Variants in RAB19 observed in about 807,000 individuals in gnomAD.
The protein encoded by RAB19 is RAB19, member RAS oncogene family, also known as ras-related protein Rab-19.
Under a neutral mutation model 17.3 loss-of-function variants are expected in RAB19, and 21 were observed. That is an observed-to-expected ratio of 1.21 (90% CI 0.86 to 1.74). The LOEUF (loss-of-function observed/expected upper bound fraction) is 1.74, where lower values mean the gene tolerates loss of function less well. RAB19 is among the 40% of genes most tolerant of loss of function. The pLI is 0.00. For synonymous variants in RAB19, 126 were observed against 110.4 expected, an observed-to-expected ratio of 1.14 and a Z score of -0.88; for missense variants, 277 against 286.8, an observed-to-expected ratio of 0.97 and a Z score of 0.25.
chr7:140,425,732 A>C (rs543624397), intron 3 of RAB19, 150 bp from the exon 4 acceptor site: 1 of 877,802 alleles, frequency 1.1e-6, no homozygotes, highest in South Asian at 1.8e-5. Context: ...CTCAAAAAAA[A>C]AAAGAAACAA....
intron 3 of RAB19, among the ~76,000 whole-genome samples, chr7:140,424,509 T>C (rs1711132112): frequency 6.6e-6 from 1 of 151,634 alleles, no homozygotes; most frequent in African/African-American, 2.4e-5. Context: ...GTCAATTTCC[T>C]GGTATTGATA....
chr7:140,421,348 T>C (rs1799559993), intron 3 of RAB19, among the ~76,000 whole-genome samples: 1 of 151,798 alleles, frequency 6.6e-6, no homozygotes, highest in South Asian at 2.1e-4. Context: ...CATTCCAACA[T>C]GTCCAGTTAG....
chr7:140,410,311 T>C (rs1799331237), intron 2 of RAB19, among the ~76,000 whole-genome samples: 1 of 104,252 alleles, frequency 9.6e-6, no homozygotes, highest in East Asian at 2.7e-4. Context: ...TTTTGTATTT[T>C]TCTTTTTTTT....
In RAB19 at chr7:140,406,207, C is replaced by A. The variant is rs532280474; in HGVS notation, c.-23-1417C>A. Among the ~76,000 whole-genome samples, 7 of 131,724 alleles carry A rather than the reference C, an allele frequency of 5.3e-5. No homozygotes were observed. The South Asian group carries it at 1.4e-3, about 27-fold the overall frequency. The allele number at this position is 131,724 out of a possible 152,430, so 86.4% of individuals were successfully genotyped here. A position where few individuals can be genotyped will look rare whatever the true frequency, so the allele number is the denominator to read the frequency against. On this transcript the variant is annotated intron_variant, in intron 1 of 3. Transcript: ENST00000537763. Reference sequence around the variant, plus strand: ...GCAGTGCAGTGAGCCAAGACCACACCATTGCATTCCAGCCTGGGCAAGAAG... The same window carrying A: ...GCAGTGCAGTGAGCCAAGACCACACAATTGCATTCCAGCCTGGGCAAGAAG...
intron 2 of RAB19, 75 bp from the exon 3 acceptor site, chr7:140,411,799 A>G: frequency 6.2e-7 from 1 of 1,609,564 alleles, no homozygotes; most frequent in Non-Finnish European, 8.5e-7. Context: ...TGTGTTTTTA[A>G]GAAGATGTAG....
intron 2 of RAB19, 24 bp downstream of exon 2, chr7:140,407,871 T>C: frequency 1.8e-6 from 2 of 1,112,942 alleles, no homozygotes; most frequent in South Asian, 2.7e-5. Flanking sequence ...GGGACGGGAC[T>C]GGTTCCACCT....
intron 3 of RAB19, among the ~76,000 whole-genome samples, chr7:140,422,308 G>A (rs939608572): frequency 1.3e-4 from 20 of 152,190 alleles, no homozygotes; most frequent in African/African-American, 4.6e-4. Context: ...AGAATCACTT[G>A]AACCTGGGAA....
At chr7:140,416,972 TC>T (rs1799468835) in intron 3 of RAB19, among the ~76,000 whole-genome samples, 1 of 151,324 alleles carries the variant, frequency 6.6e-6, no homozygotes, top group Non-Finnish European at 1.5e-5. Context: ...ACACCTGTAA[TC>T]CCAGCACTTT....
In RAB19 at chr7:140,426,839, C is replaced by CTTTTTTTT. The variant is rs398067341; in HGVS notation, c.*702_*709dup. ...AAGACACCTGCAATTTTTTTTCTTT[C>CTTTTTTTT]TTTTTTTTTTTTTTTTTTTTGAGAC... On this transcript the variant is annotated 3_prime_UTR_variant, in exon 4 of 4. Transcript: ENST00000537763. 8.1e-6 allele frequency among the ~76,000 whole-genome samples: 1 copy of CTTTTTTTT among 124,028 alleles called. No individual in the cohort carries two copies. The allele number at this position is 124,028 out of a possible 152,430, so 81.4% of individuals were successfully genotyped here. A position where few individuals can be genotyped will look rare whatever the true frequency, so the allele number is the denominator to read the frequency against.
intron 2 of RAB19, among the ~76,000 whole-genome samples, chr7:140,408,368 A>C (rs930342807): frequency 6.6e-6 from 1 of 152,004 alleles, no homozygotes; most frequent in African/African-American, 2.4e-5. Context: ...AATAAGGAAA[A>C]TACTGCTGAA....
At chr7:140,422,848 C>T (rs959445992) in intron 3 of RAB19, among the ~76,000 whole-genome samples, 3 of 152,196 alleles carry the variant, frequency 2.0e-5, no homozygotes, top group Non-Finnish European at 4.4e-5. Flanking sequence ...TGGCTCACAC[C>T]TGTAATCCCA....
intron 3 of RAB19, among the ~76,000 whole-genome samples, chr7:140,417,081 A>T (rs898154134): frequency 0.012 from 1,782 of 150,828 alleles, 38 homozygotes; most frequent in African/African-American, 0.042. Context: ...CAAAAAAAAA[A>T]AAAAATCAGC....
chr7:140,422,625 C>A (rs1799582563), intron 3 of RAB19, among the ~76,000 whole-genome samples: 1 of 144,810 alleles, frequency 6.9e-6, no homozygotes, highest in Non-Finnish European at 1.6e-5. Context: ...TGCACTCCAG[C>A]CTGGGCAACA....
At position 140,426,752 on chromosome 7, in the gene RAB19, G is replaced by T. The variant is rs1799678183; in HGVS notation, c.*602G>T. Reference sequence around the variant, plus strand: ...AAATGGTCAGGAACTGTCTGATAGAGATGGAACTGGAATTCACTCTATTCT... The same window carrying T: ...AAATGGTCAGGAACTGTCTGATAGATATGGAACTGGAATTCACTCTATTCT... On this transcript the variant is annotated 3_prime_UTR_variant, in exon 4 of 4. Transcript: ENST00000537763. 6.6e-6 allele frequency among the ~76,000 whole-genome samples: 1 copy of T among 151,982 alleles called. No homozygotes were observed. The highest frequency in any genetic ancestry group is 1.5e-5 in the Non-Finnish European group (1 of 67,988).
chr7:140,418,657 C>T (rs979876950), intron 3 of RAB19, among the ~76,000 whole-genome samples: 3 of 151,316 alleles, frequency 2.0e-5, no homozygotes, highest in East Asian at 2.0e-4. Flanking sequence ...AGGCAGAGGT[C>T]GGACCAGCCT....
intron 1 of RAB19, among the ~76,000 whole-genome samples, chr7:140,405,498 A>C (rs1203450366): frequency 1.3e-5 from 2 of 150,308 alleles, no homozygotes; most frequent in African/African-American, 4.9e-5. Flanking sequence ...CTTGGATTAC[A>C]GGTGTGAGCC....
In RAB19 at chr7:140,426,839, C is replaced by CTTTT. The variant is rs398067341; in HGVS notation, c.*706_*709dup. Among the ~76,000 whole-genome samples the CTTTT allele has an allele frequency of 5.1e-4, 63 of 123,934 alleles. No individual in the cohort carries two copies. Among genetic ancestry groups the CTTTT allele is most frequent in the Non-Finnish European group, 8.1e-4 (49 of 60,210 alleles). 81.3% of individuals were successfully genotyped at this position (123,934 alleles called of 152,430 possible). A position where few individuals can be genotyped will look rare whatever the true frequency, so the allele number is the denominator to read the frequency against. On this transcript the variant is annotated 3_prime_UTR_variant, in exon 4 of 4. Transcript: ENST00000537763. ...AAGACACCTGCAATTTTTTTTCTTTCTTTTTTTTTTTTTTTTTTTTGAGAC... is the reference window on the plus strand; with the variant it reads ...AAGACACCTGCAATTTTTTTTCTTTCTTTTTTTTTTTTTTTTTTTTTTTTGAGAC...
Position 140,411,961 on chromosome 7 carries a change from T to C in RAB19, c.289T>C (p.Tyr97His), listed in dbSNP as rs1799372630. 1 of 1,614,200 alleles carries C rather than the reference T, an allele frequency of 6.2e-7. No homozygotes were observed. Among genetic ancestry groups the C allele is most frequent in the Non-Finnish European group, 8.5e-7 (1 of 1,180,038 alleles). ...YRSAHAAIIA[Y>H]DLTRRSTFES... The stretch of plus-strand genomic sequence containing the variant: ...CAGTGCCCACGCAGCCATCATCGCC[T>C]ATGACCTCACCCGGCGGTCCACGTT... Residue 97 changes from tyrosine to histidine, a missense_variant, in exon 3 of 4, where the codon TAT (tyrosine) becomes CAT (histidine). By Grantham distance (83) the Tyr-to-His change is moderately conservative (BLOSUM62 2). Coordinates refer to ENST00000537763, the MANE Select transcript of RAB19 (RefSeq NM_001008749.3).
intron 3 of RAB19, among the ~76,000 whole-genome samples, chr7:140,418,951 G>A (rs1799511664): frequency 1.3e-5 from 2 of 151,276 alleles, no homozygotes; most frequent in Admixed American, 1.3e-4. Context: ...AAAGGCAAGT[G>A]CTTTTATGAT....
Sources: allele counts gnomAD v4.1 joint callset (sites outside exome capture counted in the v4.1 genomes callset), GRCh38; gene constraint gnomAD v4.1.1; transcripts MANE v1.5; gene names NCBI Gene and HGNC (gene_info 2026-07-23, HGNC 2026-07-21).